METTL15: variants seen among roughly 807,000 people sequenced by gnomAD.
METTL15 encodes 12S rRNA N(4)-cytidine methyltransferase METTL15.
METTL15 carries 34 observed loss-of-function variants against 38.3 expected under a neutral mutation model. That is an observed-to-expected ratio of 0.89 (90% CI 0.68 to 1.18). METTL15 has a LOEUF of 1.18. Ranked by LOEUF, METTL15 falls within the 50% of genes most tolerant of loss-of-function variation. The probability of loss-of-function intolerance (pLI) is 0.00; values close to 1 mark genes in which losing one functional copy is unlikely to be tolerated. For synonymous variants in METTL15, 162 were observed against 170.9 expected, an observed-to-expected ratio of 0.95 and a Z score of 0.41; for missense variants, 438 against 498.4, an observed-to-expected ratio of 0.88 and a Z score of 1.15.
At position 28,482,332 on chromosome 11, in the gene METTL15, T is replaced by C. The variant is rs1479485185; in HGVS notation, c.*425-44146T>C. Among the ~76,000 whole-genome samples the C allele has an allele frequency of 2.0e-5, 3 of 152,220 alleles. No homozygotes were observed. In the East Asian group the frequency reaches 5.8e-4, roughly 29 times the overall value. On this transcript the variant is annotated intron_variant and NMD_transcript_variant, in intron 6 of 7. Coordinates refer to the METTL15 transcript ENST00000532947. Reference sequence around the variant, plus strand: ...GTAACATTCATATCATGTTTGGAATTGCAGTTCTTTTACTTCCTAGCTGTA... The same window carrying C: ...GTAACATTCATATCATGTTTGGAATCGCAGTTCTTTTACTTCCTAGCTGTA...
chr11:28,497,822 G>T (rs1376265620), intron 6 of METTL15, among the ~76,000 whole-genome samples: 3 of 152,104 alleles, frequency 2.0e-5, no homozygotes, highest in African/African-American at 4.8e-5. Flanking sequence ...ACTTTGGGAG[G>T]CTGAGGCAGG....
At chr11:28,348,651 T>G (rs1590341170) in intron 3 of METTL15, among the ~76,000 whole-genome samples, 1 of 152,032 alleles carries the variant, frequency 6.6e-6, no homozygotes. Context: ...CATACAGGCA[T>G]GAGCCACCAC....
intron 5 of METTL15, among the ~76,000 whole-genome samples, chr11:28,403,233 C>T (rs747872204): frequency 7.2e-5 from 11 of 151,894 alleles, no homozygotes; most frequent in East Asian, 1.9e-4. Flanking sequence ...CTGACACTAC[C>T]GACCTGGGCC....
At chr11:28,186,364 A>G (rs904982004) in intron 3 of METTL15, among the ~76,000 whole-genome samples, 1 of 151,344 alleles carries the variant, frequency 6.6e-6, no homozygotes, top group Non-Finnish European at 1.5e-5. Flanking sequence ...TAGTCAACAA[A>G]AAATGATTTT....
Position 28,290,377 on chromosome 11 carries a change from C to T in METTL15, c.579C>T (p.Asp193=), listed in dbSNP as rs376789227. 8.1e-6 allele frequency: 13 copies of T among 1,612,426 alleles called. No individual in the cohort carries two copies. The highest frequency in any genetic ancestry group is 1.3e-5 in the African/African-American group (1 of 74,844). Residue 193 remains aspartate (D), a synonymous_variant, in exon 5 of 7, where the codon GAC becomes GAT. Coordinates refer to ENST00000407364, the MANE Select transcript of METTL15 (RefSeq NM_001113528.2). ...CCCTTCGGAAAGATGGCCCTTTGGACATGAGAATGGATGGTGGCAGGTGAG... is the reference window on the plus strand; with the variant it reads ...CCCTTCGGAAAGATGGCCCTTTGGATATGAGAATGGATGGTGGCAGGTGAG... ...GFSLRKDGPL[D]MRMDGGRYPD...
chr11:28,266,602 C>G (rs1855428529), intron 4 of METTL15, among the ~76,000 whole-genome samples: 1 of 152,060 alleles, frequency 6.6e-6, no homozygotes. Flanking sequence ...CTTTTTTTCT[C>G]TCACTCTACA....
chr11:28,205,639 G>C (rs1852303142), intron 3 of METTL15, among the ~76,000 whole-genome samples: 1 of 151,882 alleles, frequency 6.6e-6, no homozygotes, highest in Non-Finnish European at 1.5e-5. Flanking sequence ...GGATTGCTGG[G>C]TCAAATGGTA....
chr11:28,325,243 A>G (rs1028629863), intron 6 of METTL15, among the ~76,000 whole-genome samples: 1 of 152,210 alleles, frequency 6.6e-6, no homozygotes, highest in Non-Finnish European at 1.5e-5. Context: ...AAGTGAAGTT[A>G]TATGCCTTTG....
chr11:28,270,611 G>C (rs140611925), intron 4 of METTL15, among the ~76,000 whole-genome samples: 5 of 152,270 alleles, frequency 3.3e-5, no homozygotes, highest in African/African-American at 1.2e-4. Context: ...AACATTCTGA[G>C]TCAGTTATCT....
At chr11:28,457,569 A>G (rs1851179580) in intron 6 of METTL15, among the ~76,000 whole-genome samples, 1 of 152,214 alleles carries the variant, frequency 6.6e-6, no homozygotes, top group Middle Eastern at 3.2e-3. Flanking sequence ...TTTAGATGCT[A>G]CGTGACTTCA....
intron 4 of METTL15, among the ~76,000 whole-genome samples, chr11:28,224,005 C>T (rs1853365678): frequency 6.6e-6 from 1 of 151,910 alleles, no homozygotes; most frequent in Non-Finnish European, 1.5e-5. Context: ...ATCATTCCAT[C>T]ATTTTACTAT....
intron 6 of METTL15, among the ~76,000 whole-genome samples, chr11:28,497,716 C>T (rs1851547563): frequency 6.6e-6 from 1 of 152,142 alleles, no homozygotes; most frequent in South Asian, 2.1e-4. Context: ...AATGTGTCCT[C>T]ACATGGCAGA....
intron 3 of METTL15, among the ~76,000 whole-genome samples, chr11:28,185,023 A>T (rs1851443086): frequency 6.6e-6 from 1 of 151,516 alleles, no homozygotes. Context: ...TTGAATGTTA[A>T]CATATATAAG....
At chr11:28,233,006 G>A (rs1853753627) in intron 4 of METTL15, among the ~76,000 whole-genome samples, 1 of 151,942 alleles carries the variant, frequency 6.6e-6, no homozygotes, top group Non-Finnish European at 1.5e-5. Context: ...TTATCTACCT[G>A]TATGCAAGGA....
Position 28,236,323 on chromosome 11 carries a change from A to C in METTL15, c.407+25125A>C, listed in dbSNP as rs542653104. On this transcript the variant is annotated intron_variant, in intron 4 of 6. Transcript: ENST00000407364. ...GTGTCAGGATGATGCTGGCCTCATAAAATGAGTTAGGGAGGATTCCCTCTT... is the reference window on the plus strand; with the variant it reads ...GTGTCAGGATGATGCTGGCCTCATACAATGAGTTAGGGAGGATTCCCTCTT... 5.4e-3 allele frequency among the ~76,000 whole-genome samples: 816 copies of C among 152,292 alleles called. 5 individuals are homozygous for C. The highest frequency in any genetic ancestry group is 0.011 in the Admixed American group (171 of 15,300).
intron 4 of METTL15, among the ~76,000 whole-genome samples, chr11:28,250,108 T>G (rs1410695073): frequency 6.6e-6 from 1 of 152,132 alleles, no homozygotes; most frequent in Non-Finnish European, 1.5e-5. Flanking sequence ...CTGCATTGTC[T>G]TTATTCAGTG....
At chr11:28,219,952 A>G (rs1044266202) in intron 4 of METTL15, among the ~76,000 whole-genome samples, 6 of 152,176 alleles carry the variant, frequency 3.9e-5, no homozygotes, top group African/African-American at 1.2e-4. Context: ...CTGTTCTTTA[A>G]CATTTGCTGA....
intron 3 of METTL15, among the ~76,000 whole-genome samples, chr11:28,190,888 A>G (rs2133802064): frequency 6.6e-6 from 1 of 151,508 alleles, no homozygotes; most frequent in South Asian, 2.1e-4. Flanking sequence ...TGCTTTAGTT[A>G]TAACTTGTTC....
At chr11:28,204,279 G>A (rs1388058165) in intron 3 of METTL15, among the ~76,000 whole-genome samples, 1 of 151,600 alleles carries the variant, frequency 6.6e-6, no homozygotes. Context: ...TACATTTTTT[G>A]TTCTTTCTAT....
Sources: allele counts gnomAD v4.1 joint callset (sites outside exome capture counted in the v4.1 genomes callset), GRCh38; gene constraint gnomAD v4.1.1; transcripts MANE v1.5; gene names NCBI Gene and HGNC (gene_info 2026-07-23, HGNC 2026-07-21).